PRRC2C: variants seen among roughly 807,000 people sequenced by gnomAD.
The protein encoded by PRRC2C is protein PRRC2C.
PRRC2C carries 72 observed loss-of-function variants against 317.2 expected under a neutral mutation model. The ratio of observed to expected loss-of-function variants is 0.23; its 90% CI spans 0.19 to 0.28. The LOEUF is 0.28. Ranked by LOEUF, PRRC2C falls within the 10% of genes least tolerant of loss-of-function variation. The pLI, the probability that PRRC2C is intolerant of heterozygous loss-of-function variation, is 1.00. For synonymous variants in PRRC2C, 1,296 were observed against 1,205.9 expected, an observed-to-expected ratio of 1.07 and a Z score of -1.55; for missense variants, 3,074 against 3,459.7, an observed-to-expected ratio of 0.89 and a Z score of 2.80.
At chr1:171,514,907 G>A (rs1672053714) in intron 4 of PRRC2C, among the ~76,000 whole-genome samples, 1 of 152,192 alleles carries the variant, frequency 6.6e-6, no homozygotes, top group Admixed American at 6.5e-5. Flanking sequence ...CTTTACCTCT[G>A]CATATCCAAG....
At chr1:171,534,326 A>G (rs551709548) in intron 12 of PRRC2C, among the ~76,000 whole-genome samples, 1 of 152,344 alleles carries the variant, frequency 6.6e-6, no homozygotes, top group East Asian at 1.9e-4. Flanking sequence ...ATAGTGAAAT[A>G]AAGTGTTCAC....
rs1418800667 is a variant in PRRC2C, at chr1:171,541,810, T to C, written c.4344T>C (p.Ala1448=). Residue 1448 remains alanine (A), a synonymous_variant, in exon 16 of 35, where the codon GCT becomes GCC. Transcript: ENST00000647382. This position sits in a 1 kb window ranked among gnomAD's most constrained non-coding sequence, Gnocchi z 4.1. ...RFRRLREREA[A]SKSNEVVAVP... is the part of the protein sequence containing the mutation. Reference sequence around the variant, plus strand: ...GACGGCTAAGAGAGAGGGAGGCTGCTTCAAAATCAAATGAGGTGGTAGCAG... The same window carrying C: ...GACGGCTAAGAGAGAGGGAGGCTGCCTCAAAATCAAATGAGGTGGTAGCAG... The C allele has an allele frequency of 6.2e-7, 1 of 1,613,694 alleles. No individual in the cohort carries two copies. The highest frequency in any genetic ancestry group is 2.2e-5 in the East Asian group (1 of 44,896).
chr1:171,494,822 A>G (rs10913136), intron 1 of PRRC2C, among the ~76,000 whole-genome samples: 64,175 of 150,894 alleles, frequency 0.43, 14,970 homozygotes, highest in East Asian at 0.6. Flanking sequence ...TGTAAGAGTT[A>G]TTGTATCCCC....
At position 171,523,490 on chromosome 1, in the gene PRRC2C, A is replaced by T; in HGVS notation, c.1023A>T (p.Glu341Asp). ...TEQLNFSDDD[E>D]QGSNSPKENN... ...AACTGAATTTCAGTGATGATGATGAACAAGGAAGTAACAGTCCTAAAGAGA... is the reference window on the plus strand; with the variant it reads ...AACTGAATTTCAGTGATGATGATGATCAAGGAAGTAACAGTCCTAAAGAGA... Residue 341 changes from glutamate (E) to aspartate (D), a missense_variant, in exon 9 of 35, where the codon GAA becomes GAT. Glu to Asp is a conservative substitution (Grantham distance 45). Coordinates refer to ENST00000647382, the MANE Select transcript of PRRC2C (RefSeq NM_001387844.1). 1 of 1,611,990 alleles carries T rather than the reference A, an allele frequency of 6.2e-7. No individual in the cohort carries two copies. Among genetic ancestry groups the T allele is most frequent in the Admixed American group, 1.7e-5 (1 of 60,002 alleles).
At chr1:171,589,886 A>C (rs1650996077) in intron 34 of PRRC2C, among the ~76,000 whole-genome samples, 1 of 151,636 alleles carries the variant, frequency 6.6e-6, no homozygotes, top group East Asian at 1.9e-4. Context: ...AATTGTTATC[A>C]AATAAATATT....
chr1:171,505,960 A>G (rs1204211198), intron 1 of PRRC2C, among the ~76,000 whole-genome samples: 1 of 152,242 alleles, frequency 6.6e-6, no homozygotes, highest in Non-Finnish European at 1.5e-5. Context: ...TCAGTACAGT[A>G]ACATGCTGTG....
At chr1:171,517,147 T>C (rs573163436) in intron 5 of PRRC2C, among the ~76,000 whole-genome samples, 1 of 152,348 alleles carries the variant, frequency 6.6e-6, no homozygotes, top group South Asian at 2.1e-4. Context: ...ATCTGTTCAC[T>C]TGGGGGCATC....
chr1:171,543,855 G>A (rs1678495689), intron 16 of PRRC2C, among the ~76,000 whole-genome samples: 1 of 152,154 alleles, frequency 6.6e-6, no homozygotes, highest in Non-Finnish European at 1.5e-5. Flanking sequence ...CTTCTTGTTG[G>A]TAGAGACTCT....
Position 171,579,908 on chromosome 1 carries a change from T to C in PRRC2C, c.7353T>C (p.Ala2451=). The C allele has an allele frequency of 6.3e-7, 1 of 1,598,992 alleles. No individual in the cohort carries two copies. Among genetic ancestry groups the C allele is most frequent in the Admixed American group, 1.8e-5 (1 of 56,164 alleles). ...ATCAAGCCCAACTGAGTTTGGGGGCTGGCCCTGCTGTTTCCCAGGCTCAGG... is the reference window on the plus strand; with the variant it reads ...ATCAAGCCCAACTGAGTTTGGGGGCCGGCCCTGCTGTTTCCCAGGCTCAGG... ...GQHQAQLSLG[A]GPAVSQAQEL... The change falls in exon 28 of 35, where the codon GCT becomes GCC. Residue 2451 remains alanine (A), a synonymous_variant. Transcript: ENST00000647382.
At position 171,574,938 on chromosome 1, in the gene PRRC2C, A is replaced by C; in HGVS notation, c.6765A>C (p.Ala2255=). ...TFSLTFKMES[A]RKAWENSPNV... ...CCGTTTTATTGCAGATGGAGTCTGC[A>C]CGCAAAGCATGGGAGAATTCTCCAA... Residue 2255 remains alanine (A), a synonymous_variant, in exon 25 of 35, where the codon GCA becomes GCC. Transcript: ENST00000647382. The C allele has an allele frequency of 6.2e-7, 1 of 1,613,826 alleles. No individual in the cohort carries two copies. The highest frequency in any genetic ancestry group is 8.5e-7 in the Non-Finnish European group (1 of 1,179,830).
Position 171,540,716 on chromosome 1 carries a change from C to T in PRRC2C, c.3250C>T (p.Pro1084Ser). The T allele has an allele frequency of 6.2e-7, 1 of 1,613,982 alleles. No individual in the cohort carries two copies. The highest frequency in any genetic ancestry group is 1.1e-5 in the South Asian group (1 of 91,080). Residue 1084 changes from proline (P) to serine (S), a missense_variant, in exon 16 of 35, where the codon CCA becomes TCA. By Grantham distance (74) the Pro-to-Ser change is moderately conservative. Transcript: ENST00000647382. ...ACAGTCAGTTCCACCACCAATTCAA[C>T]CAGAAGCAGAGAAATTTCCTTCAAC... ...QPQSVPPPIQ[P>S]EAEKFPSTET... is the part of the protein sequence containing the mutation.
At chr1:171,524,752 T>C in intron 9 of PRRC2C, 69 bp from the exon 10 acceptor site, 1 of 1,421,430 alleles carries the variant, frequency 7.0e-7, no homozygotes, top group Middle Eastern at 2.1e-4. Flanking sequence ...TTTTTTTAAT[T>C]GCAAAAATAA....
At chr1:171,524,720 C>G in intron 9 of PRRC2C, 101 bp from the exon 10 acceptor site, 2 of 1,232,584 alleles carry the variant, frequency 1.6e-6, no homozygotes. Context: ...CATTTCCCCC[C>G]CCAGAAACCA....
At position 171,523,442 on chromosome 1, in the gene PRRC2C, G is replaced by A. The variant is rs145432641; in HGVS notation, c.975G>A (p.Gln325=). The change falls in exon 9 of 35, where the codon CAG becomes CAA. Residue 325 remains glutamine, a synonymous_variant. Transcript: ENST00000647382. ...AEADEGWAGA[Q]MEVDYTEQLN... ...TTTTCCTTAATTTAATAGGTGCTCAGATGGAAGTAGATTATACAGAGCAAC... is the reference window on the plus strand; with the variant it reads ...TTTTCCTTAATTTAATAGGTGCTCAAATGGAAGTAGATTATACAGAGCAAC... The A allele has an allele frequency of 1.7e-5, 27 of 1,613,234 alleles. No individual in the cohort carries two copies. The African/African-American group carries it at 2.0e-4, about 12-fold the overall frequency.
chr1:171,523,143 T>C, intron 7 of PRRC2C, 78 bp from the exon 8 acceptor site: 1 of 1,347,044 alleles, frequency 7.4e-7, no homozygotes. Flanking sequence ...TGAAATGAAC[T>C]AAATTCCAAT....
At chr1:171,545,958 A>G (rs936514157) in intron 17 of PRRC2C, among the ~76,000 whole-genome samples, 8 of 152,202 alleles carry the variant, frequency 5.3e-5, no homozygotes, top group African/African-American at 1.9e-4. Flanking sequence ...TCCAAAAAAG[A>G]GGAAGAAAAT....
intron 26 of PRRC2C, 91 bp downstream of exon 26, chr1:171,577,728 C>A: frequency 1.8e-6 from 2 of 1,110,386 alleles, no homozygotes; most frequent in Non-Finnish European, 2.6e-6. Context: ...TTCAGCTAAG[C>A]ATAAGGCTCT....
At chr1:171,553,118 A>C (rs1038003995) in intron 18 of PRRC2C, among the ~76,000 whole-genome samples, 1 of 151,980 alleles carries the variant, frequency 6.6e-6, no homozygotes, top group Non-Finnish European at 1.5e-5. Context: ...GTAGGCTGTT[A>C]ATTATTGCCT....
chr1:171,589,332 ACAGTTC>A, intron 33 of PRRC2C, 31 bp from the exon 34 acceptor site: 1 of 662,050 alleles, frequency 1.5e-6, no homozygotes, highest in Non-Finnish European at 2.1e-6. Flanking sequence ...TTTTTTTTTA[ACAGTTC>A]AATGTTGTAT....
Sources: allele counts gnomAD v4.1 joint callset (sites outside exome capture counted in the v4.1 genomes callset), GRCh38; gene constraint gnomAD v4.1.1; non-coding constraint Gnocchi (gnomAD v3.1); transcripts MANE v1.5; gene names NCBI Gene and HGNC (gene_info 2026-07-23, HGNC 2026-07-21).